Variants in LHFPL6 observed in about 807,000 individuals in gnomAD.
LHFPL6 encodes the protein LHFPL tetraspan subfamily member 6.
Under a neutral mutation model 20.6 loss-of-function variants are expected in LHFPL6, and 9 were observed. The observed-to-expected ratio is 0.44, with a 90% CI of 0.26 to 0.76. LHFPL6 has a LOEUF of 0.76. Ranked by LOEUF, LHFPL6 falls within the 30% of genes least tolerant of loss-of-function variation. The pLI is 0.20. For missense variants in LHFPL6, 218 were observed against 253.5 expected (o/e 0.86, Z 0.95); for synonymous variants, 105 against 98.7 (o/e 1.06, Z -0.38).
chr13:39,429,447 C>CATGGTATA (rs940671762), intron 2 of LHFPL6, among the ~76,000 whole-genome samples: 2 of 152,094 alleles, frequency 1.3e-5, no homozygotes, highest in African/African-American at 4.8e-5. Flanking sequence ...TTAGTGTTAG[C>CATGGTATA]ATGGTATATC....
chr13:39,432,353 C>T (rs967056797), intron 2 of LHFPL6, among the ~76,000 whole-genome samples: 1 of 152,108 alleles, frequency 6.6e-6, no homozygotes, highest in African/African-American at 2.4e-5. Context: ...TAATGGCTTT[C>T]CCCTCTGTCC....
At chr13:39,585,555 C>A (rs924016517) in intron 2 of LHFPL6, among the ~76,000 whole-genome samples, 1 of 152,134 alleles carries the variant, frequency 6.6e-6, no homozygotes, top group African/African-American at 2.4e-5. Context: ...ACTAAAAGAT[C>A]AATTTACTAC....
chr13:39,434,328 A>G (rs902345101), intron 2 of LHFPL6, among the ~76,000 whole-genome samples: 1 of 152,192 alleles, frequency 6.6e-6, no homozygotes, highest in African/African-American at 2.4e-5. Flanking sequence ...TGACTTGTCC[A>G]AAGTCATACA....
At chr13:39,590,200 A>G (rs1354205940) in intron 2 of LHFPL6, among the ~76,000 whole-genome samples, 1 of 152,222 alleles carries the variant, frequency 6.6e-6, no homozygotes, top group Non-Finnish European at 1.5e-5. Flanking sequence ...CTGAGGTGAA[A>G]TGAAAACTGA....
chr13:39,499,051 C>T (rs779139927), intron 2 of LHFPL6, among the ~76,000 whole-genome samples: 5 of 152,006 alleles, frequency 3.3e-5, no homozygotes, highest in African/African-American at 4.8e-5. Flanking sequence ...TTTGTGGAGA[C>T]GTGGTTTTGC....
intron 2 of LHFPL6, among the ~76,000 whole-genome samples, chr13:39,532,149 C>A (rs954258590): frequency 1.3e-5 from 2 of 152,122 alleles, no homozygotes; most frequent in Non-Finnish European, 2.9e-5. Context: ...TTCCCTCCAG[C>A]ATTCACCTAC....
intron 2 of LHFPL6, among the ~76,000 whole-genome samples, chr13:39,600,033 GA>G (rs1872885108): frequency 1.3e-5 from 2 of 152,228 alleles, no homozygotes; most frequent in Non-Finnish European, 2.9e-5. Flanking sequence ...GAATGGAGGT[GA>G]AAAGCACAGT....
chr13:39,352,203 T>C (rs893264186), intron 3 of LHFPL6, among the ~76,000 whole-genome samples: 2 of 152,200 alleles, frequency 1.3e-5, no homozygotes, highest in African/African-American at 2.4e-5. Context: ...TAACTAATGC[T>C]ACCTGCAGGA....
intron 2 of LHFPL6, among the ~76,000 whole-genome samples, chr13:39,569,865 C>T (rs1208973150): frequency 6.6e-6 from 1 of 152,110 alleles, no homozygotes; most frequent in Non-Finnish European, 1.5e-5. Context: ...TATGAAAATG[C>T]TAACAATTCG....
At chr13:39,350,006 T>C (rs991089532) in intron 3 of LHFPL6, among the ~76,000 whole-genome samples, 3 of 152,218 alleles carry the variant, frequency 2.0e-5, no homozygotes, top group African/African-American at 7.2e-5. Context: ...ATTTGTATTG[T>C]TGGGTAGGAA....
At chr13:39,488,106 C>A (rs920313927) in intron 2 of LHFPL6, among the ~76,000 whole-genome samples, 12 of 152,044 alleles carry the variant, frequency 7.9e-5, no homozygotes, top group Admixed American at 1.3e-4. Context: ...CCTTCATGAA[C>A]GGGATTAATG....
chr13:39,405,600 AACAG>A (rs1469024107), intron 2 of LHFPL6, among the ~76,000 whole-genome samples: 1 of 152,228 alleles, frequency 6.6e-6, no homozygotes, highest in Admixed American at 6.5e-5. Flanking sequence ...ATTCAGCATG[AACAG>A]ACAACTTCTG....
intron 2 of LHFPL6, among the ~76,000 whole-genome samples, chr13:39,470,764 G>C (rs975991055): frequency 6.6e-5 from 10 of 152,056 alleles, no homozygotes; most frequent in Non-Finnish European, 1.3e-4. Flanking sequence ...AAGAATTTGA[G>C]TGAAAAAAAC....
At chr13:39,427,636 C>T (rs1871679771) in intron 2 of LHFPL6, among the ~76,000 whole-genome samples, 1 of 152,058 alleles carries the variant, frequency 6.6e-6, no homozygotes, top group African/African-American at 2.4e-5. Flanking sequence ...ACCTCATCAT[C>T]AATATGTAAA....
Position 39,439,583 on chromosome 13 carries a change from T to C in LHFPL6, c.386-61057A>G, listed in dbSNP as rs547314897. On this transcript the variant is annotated intron_variant, in intron 2 of 3. Coordinates refer to ENST00000379589, the MANE Select transcript of LHFPL6 (RefSeq NM_005780.3). ...TTGGATCTTTGTCCCTGCCCAAATA[T>C]CATGCCAAATTATAAATCTCAATGT... Among the ~76,000 whole-genome samples the C allele has an allele frequency of 2.6e-5, 4 of 152,168 alleles. No individual in the cohort carries two copies. The South Asian group carries it at 6.2e-4, about 24-fold the overall frequency.
chr13:39,547,327 C>T lies in LHFPL6; in HGVS notation c.385+53505G>A, dbSNP rs993875070. Among the ~76,000 whole-genome samples, 6 of 152,106 alleles carry T rather than the reference C, an allele frequency of 3.9e-5. No individual in the cohort carries two copies. In the South Asian group the frequency reaches 1.2e-3, roughly 31 times the overall value. ...CTTCCTTATGTCTATTTCACCCACT[C>T]ATTGCTCCATTCATCTTGTATCCCC... On this transcript the variant is annotated intron_variant, in intron 2 of 3. Coordinates refer to ENST00000379589, the MANE Select transcript of LHFPL6 (RefSeq NM_005780.3).
chr13:39,422,229 C>T (rs1166424668), intron 2 of LHFPL6, among the ~76,000 whole-genome samples: 2 of 152,142 alleles, frequency 1.3e-5, no homozygotes, highest in African/African-American at 4.8e-5. Context: ...ATGTAAGTGG[C>T]AGCAGACTAT....
chr13:39,492,301 A>G (rs1278989814), intron 2 of LHFPL6, among the ~76,000 whole-genome samples: 3 of 152,352 alleles, frequency 2.0e-5, no homozygotes, highest in Non-Finnish European at 2.9e-5. Context: ...TGAACTAAAC[A>G]GGCTGAATGA....
chr13:39,497,310 G>C (rs1384003228), intron 2 of LHFPL6, among the ~76,000 whole-genome samples: 1 of 152,164 alleles, frequency 6.6e-6, no homozygotes, highest in Non-Finnish European at 1.5e-5. Flanking sequence ...GAAAGGTCAA[G>C]GTGAGAGAGG....
Sources: gnomAD v4.1 joint callset for allele counts (sites outside exome capture counted in the v4.1 genomes callset) on GRCh38, gnomAD v4.1.1 for gene constraint, MANE v1.5 for transcripts, NCBI Gene and HGNC (gene_info 2026-07-23, HGNC 2026-07-21) for gene names.